Variants in DLG1 observed in about 807,000 individuals in gnomAD.
DLG1 encodes discs large MAGUK scaffold protein 1.
Under a neutral mutation model 123.4 loss-of-function variants are expected in DLG1, and 42 were observed. That is an observed-to-expected ratio of 0.34 (90% CI 0.27 to 0.44). The LOEUF (loss-of-function observed/expected upper bound fraction) is 0.44. DLG1 is among the 20% of genes least tolerant of loss of function. The pLI, the probability that DLG1 is intolerant of heterozygous loss-of-function variation, is 1.00. For missense variants in DLG1, 942 were observed against 1,082.6 expected, an observed-to-expected ratio of 0.87 and a Z score of 1.82; for synonymous variants, 317 against 356.2, an observed-to-expected ratio of 0.89 and a Z score of 1.24.
chr3:197,222,660 G>A (rs1034082346), intron 4 of DLG1, among the ~76,000 whole-genome samples: 16 of 152,118 alleles, frequency 1.1e-4, no homozygotes, highest in African/African-American at 3.9e-4. Context: ...ACACAGCTAA[G>A]TGGGAACAGT....
intron 24 of DLG1, among the ~76,000 whole-genome samples, chr3:197,049,492 C>T (rs1017946255): frequency 9.2e-5 from 14 of 152,232 alleles, no homozygotes; most frequent in African/African-American, 2.9e-4. Context: ...CGATGGCTCA[C>T]GCCTGTAGTC....
intron 4 of DLG1, among the ~76,000 whole-genome samples, chr3:197,259,342 G>C (rs940502245): frequency 9.9e-5 from 15 of 152,184 alleles, no homozygotes; most frequent in African/African-American, 3.4e-4. Context: ...ACTACTGTTT[G>C]AACTAGAACT....
chr3:197,126,480 C>A (rs930903626), intron 11 of DLG1, among the ~76,000 whole-genome samples: 3 of 149,084 alleles, frequency 2.0e-5, no homozygotes, highest in Non-Finnish European at 3.0e-5. Flanking sequence ...AAAAAAAAAA[C>A]AACATAATCA....
chr3:197,127,730 C>T (rs1287851479), intron 11 of DLG1, among the ~76,000 whole-genome samples: 1 of 151,590 alleles, frequency 6.6e-6, no homozygotes, highest in Non-Finnish European at 1.5e-5. Flanking sequence ...GAATTACAGA[C>T]ATACCTCAGA....
upstream of DLG1, chr3:197,298,872 A>C (rs983703440): frequency 1.5e-5 from 5 of 327,168 alleles, no homozygotes; most frequent in Admixed American, 4.9e-5. Flanking sequence ...ATAGTACAAG[A>C]TTTTTAAGCC....
chr3:197,082,360 A>T (rs1751678075), intron 16 of DLG1, among the ~76,000 whole-genome samples: 2 of 151,240 alleles, frequency 1.3e-5, no homozygotes, highest in Non-Finnish European at 2.9e-5. Flanking sequence ...AAAGAGCAAG[A>T]CTCCGTCCCC....
intron 18 of DLG1, among the ~76,000 whole-genome samples, chr3:197,072,781 C>T: frequency 6.6e-6 from 1 of 152,110 alleles, no homozygotes; most frequent in East Asian, 1.9e-4. Context: ...CAACCTTCAC[C>T]TCCCGGGTTC....
intron 4 of DLG1, among the ~76,000 whole-genome samples, chr3:197,246,812 T>G (rs1419178846): frequency 6.6e-6 from 1 of 152,198 alleles, no homozygotes; most frequent in Non-Finnish European, 1.5e-5. Flanking sequence ...GGTCAGGCTT[T>G]TCTTGGGTGA....
At chr3:197,102,162 G>A (rs1763829619) in intron 14 of DLG1, among the ~76,000 whole-genome samples, 1 of 152,174 alleles carries the variant, frequency 6.6e-6, no homozygotes, top group South Asian at 2.1e-4. Flanking sequence ...AGAAGATAAT[G>A]TTCCTTCATA....
chr3:197,247,339 T>G (rs1179006805), intron 4 of DLG1, among the ~76,000 whole-genome samples: 1 of 152,088 alleles, frequency 6.6e-6, no homozygotes, highest in African/African-American at 2.4e-5. Flanking sequence ...GTGAGGAGAT[T>G]CCTGTGCACC....
chr3:197,121,840 A>C (rs1166558525), intron 11 of DLG1, among the ~76,000 whole-genome samples: 1 of 151,644 alleles, frequency 6.6e-6, no homozygotes, highest in African/African-American at 2.4e-5. Flanking sequence ...AAAAAAAAAA[A>C]AAAATCAAAT....
At chr3:197,232,450 C>G (rs1189722085) in intron 4 of DLG1, among the ~76,000 whole-genome samples, 1 of 150,670 alleles carries the variant, frequency 6.6e-6, no homozygotes, top group African/African-American at 2.4e-5. Flanking sequence ...TTAGAAAAAG[C>G]TGGAACTGGG....
intron 1 of DLG1, chr3:197,297,699 C>A (rs338215): frequency 0.16 from 157,891 of 988,896 alleles, 13,736 homozygotes; most frequent in South Asian, 0.35. Context: ...TGCCTCCGGG[C>A]TGCTCCAGCG....
At chr3:197,271,163 C>G (rs987289342) in intron 4 of DLG1, among the ~76,000 whole-genome samples, 6 of 152,168 alleles carry the variant, frequency 3.9e-5, no homozygotes, top group African/African-American at 1.4e-4. Context: ...ACACTTCATG[C>G]CTGTGGCCCC....
intron 3 of DLG1, among the ~76,000 whole-genome samples, chr3:197,283,798 G>C (rs576789533): frequency 1.3e-5 from 2 of 150,028 alleles, no homozygotes; most frequent in Non-Finnish European, 3.0e-5. Context: ...AAAAGCATTA[G>C]TCCTTTTAAA....
chr3:197,080,628 A>AAATATAAAAT (rs1750547260), intron 17 of DLG1: 1 of 154,468 alleles, frequency 6.5e-6, no homozygotes, highest in African/African-American at 2.4e-5. Flanking sequence ...TGCCTGGCTA[A>AAATATAAAAT]CTTTTATATT....
rs186228051 is a variant in DLG1 at position 197,150,016 on chromosome 3, C to T, written c.484-220G>A. ...GCTTTTAAGAAATAAATTGCTATTTCTGCTAAAGCAGCCATGATTTTCTTA... is the reference window on the plus strand; with the variant it reads ...GCTTTTAAGAAATAAATTGCTATTTTTGCTAAAGCAGCCATGATTTTCTTA... On this transcript the variant is annotated intron_variant, in intron 5 of 24. Coordinates refer to ENST00000667157, the MANE Select transcript of DLG1 (RefSeq NM_001366207.1). Among the ~76,000 whole-genome samples the T allele has an allele frequency of 3.8e-3, 574 of 152,226 alleles. 3 individuals carry two copies. Among genetic ancestry groups the T allele is most frequent in the Middle Eastern group, 6.8e-3 (2 of 294 alleles).
intron 4 of DLG1, 158 bp downstream of exon 4, chr3:197,282,521 A>G: frequency 2.1e-6 from 1 of 478,458 alleles, no homozygotes; most frequent in East Asian, 3.6e-5. Flanking sequence ...TTGCTTTTCA[A>G]AAATATTTTT....
chr3:197,237,672 C>A (rs1458744938), intron 4 of DLG1, among the ~76,000 whole-genome samples: 2 of 152,168 alleles, frequency 1.3e-5, no homozygotes, highest in African/African-American at 4.8e-5. Flanking sequence ...TTGTTCCCAT[C>A]CAGCAATAAA....
Sources: gnomAD v4.1 joint callset for allele counts (sites outside exome capture counted in the v4.1 genomes callset) on GRCh38, gnomAD v4.1.1 for gene constraint, MANE v1.5 for transcripts, NCBI Gene and HGNC (gene_info 2026-07-23, HGNC 2026-07-21) for gene names.